FEZ2: variants seen among roughly 807,000 people sequenced by gnomAD.
FEZ2 encodes fasciculation and elongation protein zeta-2.
FEZ2 carries 51 observed loss-of-function variants against 40.4 expected under a neutral mutation model. The ratio of observed to expected loss-of-function variants is 1.26; its 90% CI spans 1.01 to 1.59. FEZ2 has a LOEUF of 1.59. FEZ2 is among the 40% of genes most tolerant of loss of function. The pLI is 0.00. For missense variants in FEZ2, 640 were observed against 438.3 expected, an observed-to-expected ratio of 1.46 and a Z score of -4.11; for synonymous variants, 242 against 172.0, an observed-to-expected ratio of 1.41 and a Z score of -3.18.
At chr2:36,559,836 A>C (rs768759615) in intron 5 of FEZ2, among the ~76,000 whole-genome samples, 20 of 152,210 alleles carry the variant, frequency 1.3e-4, no homozygotes, top group Non-Finnish European at 2.1e-4. Context: ...GGTGAGAGGC[A>C]ACGGAATGAA....
rs768457523 is a variant in FEZ2 at position 36,578,721 on chromosome 2, A to G, written c.779T>C (p.Ile260Thr). The G allele has an allele frequency of 6.2e-7, 1 of 1,613,980 alleles. No homozygotes were observed. The highest frequency in any genetic ancestry group is 8.5e-7 in the Non-Finnish European group (1 of 1,179,892). The change falls in exon 5 of 8, where the codon ATT becomes ACT. Residue 260 changes from isoleucine (I) to threonine (T), a missense_variant. Transcript: ENST00000405912. ...EFEKEVKNSFISVLIEVQNKQ... is the reference protein window; with the variant it reads ...EFEKEVKNSFTSVLIEVQNKQ... ...GTTTTGCACTTCAATAAGAACAGAA[A>G]TAAAGCTGTTTTTCACTTCCTTTTC...
At chr2:36,588,101 G>A (rs919024121) in intron 2 of FEZ2, among the ~76,000 whole-genome samples, 5 of 151,646 alleles carry the variant, frequency 3.3e-5, no homozygotes, top group East Asian at 1.9e-4. Context: ...TGATCTCGGC[G>A]CACTGCAACC....
At chr2:36,597,802 GCGGC>G (rs1466821793) in intron 1 of FEZ2, 71 bp downstream of exon 1, 1 of 992,992 alleles carries the variant, frequency 1.0e-6, no homozygotes, top group Non-Finnish European at 1.2e-6. Context: ...GGGAGGAGCT[GCGGC>G]CGTAGGGCTG....
In FEZ2 at chr2:36,552,554, T is replaced by C; in HGVS notation, c.*609A>G. 1 of 243,416 alleles carries C rather than the reference T, an allele frequency of 4.1e-6. No individual in the cohort carries two copies. The highest frequency in any genetic ancestry group is 8.1e-6 in the Non-Finnish European group (1 of 122,896). 15.1% of individuals were successfully genotyped at this position (243,416 alleles called of 1,614,324 possible). ...CTAAAAGTGAATGGCAATTTAATGGTTAAAATTTGACCAGTGGTGAAACAA... is the reference window on the plus strand; with the variant it reads ...CTAAAAGTGAATGGCAATTTAATGGCTAAAATTTGACCAGTGGTGAAACAA... On this transcript the variant is annotated 3_prime_UTR_variant, in exon 8 of 8. Transcript: ENST00000405912.
chr2:36,558,878 C>G (rs984115799), intron 5 of FEZ2: 1 of 157,740 alleles, frequency 6.3e-6, no homozygotes, highest in African/African-American at 2.4e-5. Context: ...TTAAAAATAG[C>G]AATTTAAACT....
rs575579707 is a variant in FEZ2 at position 36,578,443 on chromosome 2, C to T, written c.903+154G>A. 2.0e-4 allele frequency among the ~76,000 whole-genome samples: 31 copies of T among 152,312 alleles called. 1 individual carries two copies. The highest frequency in any genetic ancestry group is 7.5e-4 in the African/African-American group (31 of 41,550). On this transcript the variant is annotated intron_variant, in intron 5 of 7. Transcript: ENST00000405912. ...GACTTTCTGAAGAAGCTGAGCACAG[C>T]GGTATTCTGGAATAAAATCCCACTG...
At chr2:36,580,251 A>AT (rs752180721) in intron 4 of FEZ2, among the ~76,000 whole-genome samples, 4 of 152,356 alleles carry the variant, frequency 2.6e-5, no homozygotes, top group Non-Finnish European at 5.9e-5. Flanking sequence ...TGTTTAGCCC[A>AT]TACCTACAGG....
Position 36,598,050 on chromosome 2 carries a change from C to T in FEZ2, c.93G>A (p.Glu31=), listed in dbSNP as rs1201383124. ...LDQENCNASP[E]PGAEAGAEAG... ...CCTCGGCCCCCGCCTCCGCCCCAGG[C>T]TCGGGGCTCGCGTTACAGTTCTCCT... The change falls in exon 1 of 8, where the codon GAG becomes GAA. Residue 31 remains glutamate, a synonymous_variant. Coordinates refer to ENST00000405912, the MANE Select transcript of FEZ2 (RefSeq NM_005102.3). 6.7e-7 allele frequency: 1 copy of T among 1,496,010 alleles called. No homozygotes were observed. Among genetic ancestry groups the T allele is most frequent in the South Asian group, 1.2e-5 (1 of 80,986 alleles). The allele number at this position is 1,496,010 out of a possible 1,614,324, so 92.7% of individuals were successfully genotyped here.
chr2:36,562,997 ACTTT>A (rs1668132247), intron 5 of FEZ2, among the ~76,000 whole-genome samples: 1 of 152,188 alleles, frequency 6.6e-6, no homozygotes, highest in African/African-American at 2.4e-5. Context: ...ACTAAGACAC[ACTTT>A]CTATTTGGAA....
intron 1 of FEZ2, among the ~76,000 whole-genome samples, 165 bp downstream of exon 1, chr2:36,597,712 G>C (rs1244004514): frequency 6.6e-6 from 1 of 152,240 alleles, no homozygotes; most frequent in Non-Finnish European, 1.5e-5. Context: ...GATTTAAATT[G>C]CTGGGCGAGC....
intron 5 of FEZ2, among the ~76,000 whole-genome samples, chr2:36,572,338 C>T (rs950835036): frequency 6.6e-6 from 1 of 152,136 alleles, no homozygotes; most frequent in African/African-American, 2.4e-5. Context: ...AGGAACAATT[C>T]AACATAATCT....
Position 36,578,836 on chromosome 2 carries a change from T to G in FEZ2, c.664A>C (p.Asn222His). 1 of 1,613,104 alleles carries G rather than the reference T, an allele frequency of 6.2e-7. No homozygotes were observed. Among genetic ancestry groups the G allele is most frequent in the Non-Finnish European group, 8.5e-7 (1 of 1,179,666 alleles). The change falls in exon 5 of 8, where the codon AAT becomes CAT. Residue 222 changes from asparagine (N) to histidine (H), a missense_variant. Physicochemically the swap from Asn to His is moderately conservative, Grantham distance 68 (BLOSUM62 1). Transcript: ENST00000405912. ...GTCTCAATTTCTTCCAGGATTTCATTTAACTCAGACACTGAGAGCCTTTTC... is the reference window on the plus strand; with the variant it reads ...GTCTCAATTTCTTCCAGGATTTCATGTAACTCAGACACTGAGAGCCTTTTC... Reference protein sequence around the residue: ...RVKRLSVSELNEILEEIETAI... With the variant: ...RVKRLSVSELHEILEEIETAI...
intron 5 of FEZ2, among the ~76,000 whole-genome samples, chr2:36,566,709 A>T (rs1176584786): frequency 6.6e-6 from 1 of 152,204 alleles, no homozygotes; most frequent in Non-Finnish European, 1.5e-5. Context: ...GTCAACTTGG[A>T]CAGAAAAGTG....
chr2:36,579,406 C>G (rs1424012343), intron 4 of FEZ2, among the ~76,000 whole-genome samples: 2 of 152,132 alleles, frequency 1.3e-5, no homozygotes, highest in South Asian at 2.1e-4. Flanking sequence ...AAATCTCATA[C>G]AGAAATGTGA....
intron 3 of FEZ2, among the ~76,000 whole-genome samples, chr2:36,582,241 A>C (rs1309844056): frequency 6.6e-6 from 1 of 151,414 alleles, no homozygotes; most frequent in African/African-American, 2.4e-5. Flanking sequence ...AAAAAAAATT[A>C]AACACAATTA....
intron 5 of FEZ2, among the ~76,000 whole-genome samples, chr2:36,569,735 T>C (rs978277308): frequency 4.6e-5 from 7 of 152,192 alleles, no homozygotes; most frequent in African/African-American, 1.7e-4. Flanking sequence ...ATTTACACTA[T>C]TCCCGCTATC....
chr2:36,582,260 A>C (rs1251181431), intron 3 of FEZ2, among the ~76,000 whole-genome samples: 1 of 152,148 alleles, frequency 6.6e-6, no homozygotes, highest in African/African-American at 2.4e-5. Context: ...TAAATGAAGG[A>C]GTAAGACATC....
chr2:36,582,632 A>C (rs940977089), intron 3 of FEZ2, among the ~76,000 whole-genome samples: 2 of 152,166 alleles, frequency 1.3e-5, no homozygotes, highest in Non-Finnish European at 2.9e-5. Context: ...CACAAATATG[A>C]CTAAGGAGGA....
chr2:36,584,873 G>A (rs934290778), intron 2 of FEZ2, among the ~76,000 whole-genome samples: 4 of 152,154 alleles, frequency 2.6e-5, no homozygotes, highest in African/African-American at 7.2e-5. Flanking sequence ...AAGAAGCACT[G>A]GCACACTGAC....
Sources: allele counts gnomAD v4.1 joint callset (sites outside exome capture counted in the v4.1 genomes callset), GRCh38; gene constraint gnomAD v4.1.1; transcripts MANE v1.5; gene names NCBI Gene and HGNC (gene_info 2026-07-23, HGNC 2026-07-21).